The following UBE2D2 variants were observed in gnomAD, a reference collection of about 807,000 sequenced individuals.
UBE2D2 encodes ubiquitin-conjugating enzyme E2 D2.
Under a neutral mutation model 24.2 loss-of-function variants are expected in UBE2D2, and 2 were observed. The observed-to-expected ratio is 0.08, with a 90% confidence interval of 0.03 to 0.26. UBE2D2 has a LOEUF of 0.26. Among genes scored for constraint, UBE2D2 ranks in the 10% least tolerant of loss-of-function variants. The pLI, the probability that UBE2D2 is intolerant of heterozygous loss-of-function variation, is 1.00. For synonymous variants in UBE2D2, 58 were observed against 56.5 expected, an observed-to-expected ratio of 1.03 and a Z score of -0.12; for missense variants, 44 against 177.6, an observed-to-expected ratio of 0.25 and a Z score of 4.28.
chr5:139,626,625 G>T, intron 6 of UBE2D2, 131 bp from the exon 7 acceptor site: 1 of 709,308 alleles, frequency 1.4e-6, no homozygotes, highest in Admixed American at 2.8e-5. Context: ...AGAAATTTGG[G>T]ATAGAAAGGG....
At chr5:139,541,812 G>A (rs1022276525) in intron 1 of UBE2D2, among the ~76,000 whole-genome samples, 1 of 152,026 alleles carries the variant, frequency 6.6e-6, no homozygotes, top group Non-Finnish European at 1.5e-5. Context: ...AGCATTTTGG[G>A]AGGCTGAGGA....
chr5:139,564,568 C>T (rs981011086), intron 1 of UBE2D2, among the ~76,000 whole-genome samples: 1 of 151,526 alleles, frequency 6.6e-6, no homozygotes, highest in Admixed American at 6.6e-5. Flanking sequence ...ATTCTCCTGC[C>T]TCAGCCTCCG....
chr5:139,582,998 G>A (rs1236861798), intron 1 of UBE2D2, among the ~76,000 whole-genome samples: 6 of 139,170 alleles, frequency 4.3e-5, no homozygotes, highest in Non-Finnish European at 7.7e-5. Flanking sequence ...TTTTGAAGAC[G>A]GCGTCTCGCT....
chr5:139,533,387 A>C (rs1483715935), intron 1 of UBE2D2, among the ~76,000 whole-genome samples: 12 of 152,096 alleles, frequency 7.9e-5, no homozygotes, highest in African/African-American at 2.4e-4. Context: ...GTGGTGGCTC[A>C]CGCCTGTAAT....
intron 1 of UBE2D2, among the ~76,000 whole-genome samples, chr5:139,569,804 C>T (rs1020222068): frequency 6.6e-6 from 1 of 152,144 alleles, no homozygotes; most frequent in Non-Finnish European, 1.5e-5. Flanking sequence ...TTCTGGCAAG[C>T]CATGTGTTAT....
chr5:139,528,288 T>C (rs1752562035), intron 1 of UBE2D2, among the ~76,000 whole-genome samples: 1 of 152,064 alleles, frequency 6.6e-6, no homozygotes, highest in Admixed American at 6.5e-5. Flanking sequence ...GTGGCACTTG[T>C]GCTTTAGTCC....
chr5:139,604,551 C>G (rs1356281509), intron 2 of UBE2D2, among the ~76,000 whole-genome samples: 1 of 152,142 alleles, frequency 6.6e-6, no homozygotes, highest in Admixed American at 6.6e-5. Context: ...CGAAAAGATG[C>G]TCAACATCAT....
intron 1 of UBE2D2, chr5:139,526,735 G>A (rs1220333615): frequency 6.6e-6 from 1 of 151,348 alleles, no homozygotes; most frequent in East Asian, 1.9e-4. Flanking sequence ...GGTAAGACTA[G>A]TCTTTGGAAC....
At chr5:139,598,123 G>C (rs945610154) in intron 1 of UBE2D2, among the ~76,000 whole-genome samples, 2 of 152,030 alleles carry the variant, frequency 1.3e-5, no homozygotes, top group South Asian at 4.1e-4. Flanking sequence ...GGATGGTCTC[G>C]ATCTCCTGAC....
At chr5:139,610,882 C>T (rs1754303780) in intron 2 of UBE2D2, among the ~76,000 whole-genome samples, 1 of 151,982 alleles carries the variant, frequency 6.6e-6, no homozygotes, top group South Asian at 2.1e-4. Flanking sequence ...GAGCAGTGTA[C>T]AAGCAGTGGC....
At chr5:139,541,713 GCC>G (rs1752764563) in intron 1 of UBE2D2, among the ~76,000 whole-genome samples, 1 of 150,972 alleles carries the variant, frequency 6.6e-6, no homozygotes, top group Non-Finnish European at 1.5e-5. Flanking sequence ...TTGGAGTTTA[GCC>G]TGAGCAACAT....
At chr5:139,616,982 G>C (rs1313665397) in intron 5 of UBE2D2, among the ~76,000 whole-genome samples, 1 of 152,104 alleles carries the variant, frequency 6.6e-6, no homozygotes, top group Non-Finnish European at 1.5e-5. Context: ...AGGAGTTCGA[G>C]ACCAGCTTGG....
At chr5:139,574,861 A>G (rs1753434546) in intron 1 of UBE2D2, among the ~76,000 whole-genome samples, 1 of 152,138 alleles carries the variant, frequency 6.6e-6, no homozygotes, top group Non-Finnish European at 1.5e-5. Flanking sequence ...TGTACCCTGC[A>G]AGCCTGTGGG....
intron 1 of UBE2D2, among the ~76,000 whole-genome samples, chr5:139,547,114 T>C (rs1350040860): frequency 6.6e-6 from 1 of 151,266 alleles, no homozygotes; most frequent in Non-Finnish European, 1.5e-5. Context: ...CACGGTGAAA[T>C]CCCGTCTCTA....
intron 1 of UBE2D2, among the ~76,000 whole-genome samples, chr5:139,575,270 A>G (rs1008142992): frequency 6.6e-6 from 1 of 152,168 alleles, no homozygotes; most frequent in African/African-American, 2.4e-5. Flanking sequence ...TTACAGAGGA[A>G]AGGGGCTTCT....
At chr5:139,556,796 T>C (rs1419423038), upstream of UBE2D2, among the ~76,000 whole-genome samples, 1 of 151,526 alleles carries the variant, frequency 6.6e-6, no homozygotes, top group Non-Finnish European at 1.5e-5. Flanking sequence ...ATTATCACAA[T>C]TGACACAAGA....
At chr5:139,536,472 T>C (rs932508818) in intron 1 of UBE2D2, among the ~76,000 whole-genome samples, 1 of 152,104 alleles carries the variant, frequency 6.6e-6, no homozygotes, top group Non-Finnish European at 1.5e-5. Flanking sequence ...CAAGCAATTC[T>C]CCTGCCTCAG....
At chr5:139,586,290 G>A (rs1404040443) in intron 1 of UBE2D2, among the ~76,000 whole-genome samples, 1 of 151,626 alleles carries the variant, frequency 6.6e-6, no homozygotes, top group African/African-American at 2.4e-5. Context: ...GCAATTTATT[G>A]GATATAAATA....
upstream of UBE2D2, among the ~76,000 whole-genome samples, chr5:139,559,374 C>A (rs1312873113): frequency 6.6e-6 from 1 of 150,556 alleles, no homozygotes; most frequent in African/African-American, 2.4e-5. Flanking sequence ...TGCAGTGAGC[C>A]GAGATAGCGT....
Sources: allele counts gnomAD v4.1 joint callset (sites outside exome capture counted in the v4.1 genomes callset), GRCh38; gene constraint gnomAD v4.1.1; transcripts MANE v1.5; gene names NCBI Gene and HGNC (gene_info 2026-07-23, HGNC 2026-07-21).